Variants in KLF12 observed in about 807,000 individuals in gnomAD.
The protein encoded by KLF12 is Krueppel-like factor 12.
KLF12 carries 9 observed loss-of-function variants against 37.8 expected under a neutral mutation model. The observed-to-expected ratio is 0.24, with a 90% CI of 0.14 to 0.42. KLF12 has a LOEUF of 0.42. Ranked by LOEUF, KLF12 falls within the 10% of genes least tolerant of loss-of-function variation. KLF12 has a pLI of 1.00. For missense variants in KLF12, 411 were observed against 516.0 expected, an observed-to-expected ratio of 0.80 and a Z score of 1.97; for synonymous variants, 208 against 202.1, an observed-to-expected ratio of 1.03 and a Z score of -0.25.
chr13:73,722,988 CT>C (rs1252683150), intron 6 of KLF12, among the ~76,000 whole-genome samples: 1 of 152,152 alleles, frequency 6.6e-6, no homozygotes, highest in Non-Finnish European at 1.5e-5. Context: ...TTCCACATCA[CT>C]TTCTAGACCG....
At chr13:74,234,736 C>T in the KLF12 span, among the ~76,000 whole-genome samples, 1 of 150,946 alleles carries the variant, frequency 6.6e-6, no homozygotes, top group Non-Finnish European at 1.5e-5. Context: ...GCCACTCTTA[C>T]CTCTTATTCG....
intron 3 of KLF12, among the ~76,000 whole-genome samples, chr13:73,899,400 G>A (rs1887935670): frequency 6.6e-6 from 1 of 152,078 alleles, no homozygotes; most frequent in South Asian, 2.1e-4. Flanking sequence ...ACCCCAAAAA[G>A]CACACCCCAA....
At chr13:74,142,999 TTTCCTTCC>T in the KLF12 span, among the ~76,000 whole-genome samples, 1 of 151,194 alleles carries the variant, frequency 6.6e-6, no homozygotes, top group Admixed American at 6.6e-5. Context: ...TCCTTCCTTC[TTTCCTTCC>T]TTCCTTCCCT....
At chr13:74,037,950 A>G (rs866420099) in intron 1 of KLF12, among the ~76,000 whole-genome samples, 7 of 152,312 alleles carry the variant, frequency 4.6e-5, no homozygotes, top group South Asian at 2.1e-4. Flanking sequence ...GGTTAGCTAC[A>G]AAACAGTAGC....
chr13:74,023,130 C>T (rs946969397), intron 1 of KLF12, among the ~76,000 whole-genome samples: 1 of 152,148 alleles, frequency 6.6e-6, no homozygotes, highest in African/African-American at 2.4e-5. Flanking sequence ...ATGCCCAGGC[C>T]CTACCCTTAA....
chr13:74,022,795 C>A (rs915487011), intron 1 of KLF12, among the ~76,000 whole-genome samples: 3 of 151,692 alleles, frequency 2.0e-5, no homozygotes, highest in African/African-American at 7.3e-5. Context: ...TCTGGGAAGG[C>A]CTTGAATTAT....
intron 3 of KLF12, among the ~76,000 whole-genome samples, chr13:73,905,808 G>A (rs561585504): frequency 1.4e-4 from 21 of 149,614 alleles, no homozygotes; most frequent in African/African-American, 4.3e-4. Context: ...TTCTCTACTT[G>A]AAAGTTTCAT....
In KLF12 at chr13:73,963,284, TACACACACACACACAC is replaced by T. The variant is rs10543490; in HGVS notation, c.34-19230_34-19215del. Among the ~76,000 whole-genome samples the T allele has an allele frequency of 4.1e-5, 6 of 145,164 alleles. No homozygotes were observed. The South Asian group carries it at 6.8e-4, about 16-fold the overall frequency. On this transcript the variant is annotated intron_variant, in intron 2 of 7. Transcript: ENST00000377669. The stretch of plus-strand genomic sequence containing the variant: ...TCATAAAGTATAAGAGAGTCATTTA[TACACACACACACACAC>T]ACACACACACACACACACACGTATA...
chr13:73,750,450 G>A (rs1878663800), intron 6 of KLF12, among the ~76,000 whole-genome samples: 2 of 152,136 alleles, frequency 1.3e-5, no homozygotes, highest in African/African-American at 4.8e-5. Context: ...GGCAAGGACA[G>A]CCTTCATACT....
intron 1 of KLF12, among the ~76,000 whole-genome samples, chr13:74,004,914 T>C (rs1171499753): frequency 6.6e-6 from 1 of 151,418 alleles, no homozygotes; most frequent in Non-Finnish European, 1.5e-5. Context: ...TCCTCACCAA[T>C]GATATCCAAA....
At chr13:73,843,811 G>A (rs982002441) in intron 4 of KLF12, among the ~76,000 whole-genome samples, 2 of 152,022 alleles carry the variant, frequency 1.3e-5, no homozygotes, top group African/African-American at 4.8e-5. Context: ...AATCTGCAGG[G>A]TTTATACTTA....
chr13:74,191,456 A>G, the KLF12 span, among the ~76,000 whole-genome samples: 6 of 152,316 alleles, frequency 3.9e-5, no homozygotes, highest in East Asian at 9.6e-4. Context: ...ACTAGCATCA[A>G]TGCATTCTGA....
intron 5 of KLF12, among the ~76,000 whole-genome samples, chr13:73,802,642 C>T (rs939797452): frequency 1.2e-4 from 18 of 152,040 alleles, no homozygotes; most frequent in Non-Finnish European, 2.2e-4. Context: ...TCTAGTAGTT[C>T]CCAGTGTCTA....
the KLF12 span, among the ~76,000 whole-genome samples, chr13:74,242,148 T>C: frequency 6.2e-4 from 95 of 152,372 alleles, no homozygotes; most frequent in African/African-American, 2.2e-3. Context: ...ATCAGTTGAA[T>C]AGTCAAATTT....
chr13:73,886,754 G>T (rs1042385690), intron 3 of KLF12, among the ~76,000 whole-genome samples: 2 of 152,166 alleles, frequency 1.3e-5, no homozygotes, highest in African/African-American at 4.8e-5. Context: ...CACTTTTGGA[G>T]GCCGAGGCGA....
chr13:73,804,802 G>C (rs1882472618), intron 5 of KLF12, among the ~76,000 whole-genome samples: 1 of 152,176 alleles, frequency 6.6e-6, no homozygotes. Context: ...AAATATCTGA[G>C]TCAAAGAATA....
At chr13:74,177,577 A>G in the KLF12 span, among the ~76,000 whole-genome samples, 1 of 152,060 alleles carries the variant, frequency 6.6e-6, no homozygotes, top group Admixed American at 6.5e-5. Flanking sequence ...AAGTTATGGG[A>G]AGTCACTTTA....
intron 1 of KLF12, among the ~76,000 whole-genome samples, chr13:74,096,086 C>G (rs539608222): frequency 6.6e-6 from 1 of 152,328 alleles, no homozygotes; most frequent in African/African-American, 2.4e-5. Flanking sequence ...TGTTCTCCAT[C>G]ACATTATTTG....
At chr13:74,152,342 A>T in the KLF12 span, among the ~76,000 whole-genome samples, 1 of 152,202 alleles carries the variant, frequency 6.6e-6, no homozygotes, top group Non-Finnish European at 1.5e-5. Context: ...TTTCCAGGCA[A>T]AGTATGAACT....
Sources: allele counts gnomAD v4.1 joint callset (sites outside exome capture counted in the v4.1 genomes callset), GRCh38; gene constraint gnomAD v4.1.1; transcripts MANE v1.5; gene names NCBI Gene and HGNC (gene_info 2026-07-23, HGNC 2026-07-21).